CDKN3: variants seen among roughly 807,000 people sequenced by gnomAD.
CDKN3 encodes the protein cyclin dependent kinase inhibitor 3.
CDKN3 carries 19 observed loss-of-function variants against 36.1 expected under a neutral mutation model. That is an observed-to-expected ratio of 0.53 (90% confidence interval 0.37 to 0.77). CDKN3 has a LOEUF of 0.77. Among genes scored for constraint, CDKN3 ranks in the 30% least tolerant of loss-of-function variants. The pLI is 0.00. For synonymous variants in CDKN3, 71 were observed against 85.3 expected (o/e 0.83, Z 0.92); for missense variants, 188 against 248.6 (o/e 0.76, Z 1.64).
At position 54,398,987 on chromosome 14, in the gene CDKN3, CT is replaced by C. The variant is rs113342693; in HGVS notation, c.10-889del. ...TTCTTTCCTTTCTTTTTTCTTCTTCCTTTTTTTTTTTTTTTTTTGGCAGAGT... is the reference window on the plus strand; with the variant it reads ...TTCTTTCCTTTCTTTTTTCTTCTTCCTTTTTTTTTTTTTTTTTGGCAGAGT... On this transcript the variant is annotated intron_variant, in intron 1 of 7. Transcript: ENST00000335183. Among the ~76,000 whole-genome samples, 692 of 109,260 alleles carry C rather than the reference CT, an allele frequency of 6.3e-3. 4 individuals are homozygous for C. Among genetic ancestry groups the C allele is most frequent in the African/African-American group, 0.02 (586 of 28,916 alleles). 71.7% of individuals were successfully genotyped at this position (109,260 alleles called of 152,430 possible).
intron 3 of CDKN3, among the ~76,000 whole-genome samples, chr14:54,403,812 T>C (rs981565327): frequency 6.6e-6 from 1 of 152,240 alleles, no homozygotes; most frequent in Non-Finnish European, 1.5e-5. Flanking sequence ...TTTTTGTCAC[T>C]GATTCTGTTT....
At chr14:54,398,326 C>T (rs1029455353) in intron 1 of CDKN3, among the ~76,000 whole-genome samples, 5 of 152,216 alleles carry the variant, frequency 3.3e-5, no homozygotes, top group African/African-American at 7.2e-5. Flanking sequence ...CACCTGTCCC[C>T]ATTGAGTTAT....
intron 4 of CDKN3, among the ~76,000 whole-genome samples, chr14:54,410,222 C>A (rs2030304285): frequency 6.6e-6 from 1 of 152,042 alleles, no homozygotes; most frequent in Non-Finnish European, 1.5e-5. Context: ...TGATTGGAGA[C>A]CTAGAATCTC....
chr14:54,412,771 A>T (rs2030404189), intron 5 of CDKN3: 5 of 428,060 alleles, frequency 1.2e-5, no homozygotes, highest in South Asian at 8.1e-5. Context: ...CATGGGGAGG[A>T]AACTGGACTT....
intron 3 of CDKN3, among the ~76,000 whole-genome samples, chr14:54,408,208 G>A (rs974745312): frequency 5.3e-5 from 8 of 152,172 alleles, no homozygotes; most frequent in African/African-American, 1.9e-4. Context: ...CATAGTGGTT[G>A]TACTAGTTTA....
chr14:54,413,884 C>A, intron 5 of CDKN3: 1 of 1,281,182 alleles, frequency 7.8e-7, no homozygotes, highest in Non-Finnish European at 1.0e-6. Context: ...CTGAAAACAA[C>A]AGAAATTTCT....
chr14:54,418,121 T>C, intron 7 of CDKN3, 170 bp downstream of exon 7: 1 of 694,068 alleles, frequency 1.4e-6, no homozygotes, highest in Non-Finnish European at 2.7e-6. Context: ...TTTTTAAAAA[T>C]TTACAAGTAA....
At chr14:54,400,173 A>G (rs2029890390) in intron 2 of CDKN3, among the ~76,000 whole-genome samples, 197 bp downstream of exon 2, 1 of 146,444 alleles carries the variant, frequency 6.8e-6, no homozygotes, top group Admixed American at 6.9e-5. Flanking sequence ...ATAATACAGA[A>G]TAAGACCCTT....
rs900702483 is a variant in CDKN3 at position 54,408,885 on chromosome 14, T to C, written c.193+96T>C. ...AAAGAACAAATCAGTTTTTTTTTAA[T>C]ATAAAAATAAGTTTTCAATATTGTG... is the stretch of plus-strand genomic sequence containing the variant. On this transcript the variant is annotated intron_variant, in intron 4 of 7. Transcript: ENST00000335183. The C allele has an allele frequency of 2.8e-6, 4 of 1,430,434 alleles. No individual in the cohort carries two copies. The African/African-American group carries it at 4.4e-5, about 16-fold the overall frequency. The allele number at this position is 1,430,434 out of a possible 1,614,324, so 88.6% of individuals were successfully genotyped here.
chr14:54,400,660 A>G lies in CDKN3; in HGVS notation c.92+684A>G, dbSNP rs184640291. Among the ~76,000 whole-genome samples, 76 of 152,344 alleles carry G rather than the reference A, an allele frequency of 5.0e-4. 1 individual carries two copies. The highest frequency in any genetic ancestry group is 2.3e-3 in the South Asian group (11 of 4,828). On this transcript the variant is annotated intron_variant, in intron 2 of 7. Transcript: ENST00000335183. ...CACTATCCCTACTGTCAGAAGAGAA[A>G]GAGTGTCCTAAAGGTCTTTTGTCCT...
At chr14:54,419,548 A>T (rs1285213681) in intron 7 of CDKN3, among the ~76,000 whole-genome samples, 2 of 152,204 alleles carry the variant, frequency 1.3e-5, no homozygotes, top group African/African-American at 2.4e-5. Flanking sequence ...CTAGTGCATT[A>T]TGTCATCACA....
At chr14:54,412,763 T>G in intron 5 of CDKN3, 1 of 416,412 alleles carries the variant, frequency 2.4e-6, no homozygotes. Context: ...GAGCCAGCCA[T>G]GGGGAGGAAA....
intron 7 of CDKN3, chr14:54,418,517 C>T: frequency 2.2e-6 from 1 of 444,922 alleles, no homozygotes; most frequent in Non-Finnish European, 4.0e-6. Flanking sequence ...AAGGATATTG[C>T]ATTAATCATG....
At chr14:54,407,852 T>TCTGG in intron 3 of CDKN3, among the ~76,000 whole-genome samples, 1 of 152,006 alleles carries the variant, frequency 6.6e-6, no homozygotes, top group South Asian at 2.1e-4. Context: ...TCCAGGGGAG[T>TCTGG]GAATGGTTCT....
chr14:54,409,348 C>A (rs979074667), intron 4 of CDKN3, among the ~76,000 whole-genome samples: 1 of 152,130 alleles, frequency 6.6e-6, no homozygotes, highest in African/African-American at 2.4e-5. Context: ...ATGATACTAA[C>A]AAATGTGGAT....
At chr14:54,418,918 G>A (rs1387519775) in intron 7 of CDKN3, among the ~76,000 whole-genome samples, 2 of 152,120 alleles carry the variant, frequency 1.3e-5, no homozygotes, top group African/African-American at 4.8e-5. Flanking sequence ...TAGCACTTTG[G>A]GAGGCTGAGC....
chr14:54,407,924 G>C (rs1351990760), intron 3 of CDKN3, among the ~76,000 whole-genome samples: 4 of 152,150 alleles, frequency 2.6e-5, no homozygotes, highest in Admixed American at 6.5e-5. Context: ...TCTTCTTTCT[G>C]CATTGGTCTT....
chr14:54,414,808 C>G (rs1352500623), intron 5 of CDKN3, among the ~76,000 whole-genome samples: 1 of 151,608 alleles, frequency 6.6e-6, no homozygotes, highest in Non-Finnish European at 1.5e-5. Flanking sequence ...CTTGGCCTCC[C>G]AAAGTGCTGG....
chr14:54,418,875 T>C (rs983775647), intron 7 of CDKN3, among the ~76,000 whole-genome samples: 4 of 152,146 alleles, frequency 2.6e-5, no homozygotes, highest in Non-Finnish European at 5.9e-5. Context: ...AATCAAACGA[T>C]GCGGCCAGGC....
Sources: allele counts gnomAD v4.1 joint callset (sites outside exome capture counted in the v4.1 genomes callset), GRCh38; gene constraint gnomAD v4.1.1; transcripts MANE v1.5; gene names NCBI Gene and HGNC (gene_info 2026-07-23, HGNC 2026-07-21).